Variants in NEDD4 observed in about 807,000 individuals in gnomAD.
NEDD4 encodes the protein NEDD4 E3 ubiquitin protein ligase, also known as E3 ubiquitin-protein ligase NEDD4.
NEDD4 carries 99 observed loss-of-function variants against 144.9 expected under a neutral mutation model. The observed-to-expected ratio is 0.68, with a 90% CI of 0.58 to 0.81. The LOEUF (loss-of-function observed/expected upper bound fraction) is 0.81. NEDD4 is among the 30% of genes least tolerant of loss of function. The pLI is 0.00. For synonymous variants in NEDD4, 318 were observed against 350.6 expected, an observed-to-expected ratio of 0.91 and a Z score of 1.04; for missense variants, 985 against 1,065.9, an observed-to-expected ratio of 0.92 and a Z score of 1.06.
chr15:55,959,695 A>C (rs1200095726), intron 2 of NEDD4, among the ~76,000 whole-genome samples: 1 of 152,216 alleles, frequency 6.6e-6, no homozygotes, highest in African/African-American at 2.4e-5. Context: ...TGAAGAAGCA[A>C]ACTGGCAGCT....
chr15:55,892,165 CA>C (rs1212744364), intron 5 of NEDD4, among the ~76,000 whole-genome samples: 3 of 151,888 alleles, frequency 2.0e-5, no homozygotes, highest in Non-Finnish European at 4.4e-5. Context: ...ACTCGTGAGG[CA>C]GAGGCATGAG....
intron 5 of NEDD4, chr15:55,915,430 A>C: frequency 1.2e-6 from 2 of 1,613,896 alleles, no homozygotes; most frequent in Non-Finnish European, 1.7e-6. Context: ...CTGGATAGAC[A>C]GGAAATATTT....
chr15:55,966,347 ATAT>A, intron 2 of NEDD4, 123 bp downstream of exon 2: 6 of 596,222 alleles, frequency 1.0e-5, no homozygotes, highest in South Asian at 7.2e-5. Flanking sequence ...CCAACTGGTA[ATAT>A]TATTATTATA....
chr15:55,913,631 TTTGA>T (rs2036343876), intron 5 of NEDD4, among the ~76,000 whole-genome samples: 1 of 152,034 alleles, frequency 6.6e-6, no homozygotes, highest in Admixed American at 6.5e-5. Flanking sequence ...AAGTTATACA[TTTGA>T]TTGTCACAAA....
intron 21 of NEDD4, among the ~76,000 whole-genome samples, chr15:55,839,794 G>A (rs1174222289): frequency 4.6e-5 from 7 of 151,022 alleles, no homozygotes; most frequent in African/African-American, 7.3e-5. Context: ...TGGTGAACAC[G>A]GTGAAACCCC....
chr15:55,910,787 A>G (rs2036247040), intron 5 of NEDD4, among the ~76,000 whole-genome samples: 1 of 152,102 alleles, frequency 6.6e-6, no homozygotes, highest in Admixed American at 6.5e-5. Flanking sequence ...TGAATTCTCC[A>G]TCTTAGTTCA....
At chr15:55,882,949 T>C (rs1393640935) in intron 5 of NEDD4, among the ~76,000 whole-genome samples, 1 of 152,118 alleles carries the variant, frequency 6.6e-6, no homozygotes, top group African/African-American at 2.4e-5. Context: ...AGGTTTCAGG[T>C]GAAATCCAGC....
intron 5 of NEDD4, among the ~76,000 whole-genome samples, chr15:55,898,564 C>T (rs1400516079): frequency 6.6e-6 from 1 of 151,782 alleles, no homozygotes; most frequent in African/African-American, 2.4e-5. Flanking sequence ...CTTTGTCTTC[C>T]TTGCCTAGAC....
chr15:55,901,159 G>C (rs940678292), intron 5 of NEDD4, among the ~76,000 whole-genome samples: 1 of 152,098 alleles, frequency 6.6e-6, no homozygotes, highest in Non-Finnish European at 1.5e-5. Flanking sequence ...CATCATGGAT[G>C]ATGGAGTACC....
At chr15:55,849,360 GATTACAGGCA>G in intron 14 of NEDD4, among the ~76,000 whole-genome samples, 1 of 152,106 alleles carries the variant, frequency 6.6e-6, no homozygotes, top group Admixed American at 6.5e-5. Flanking sequence ...GAGTAGCTGG[GATTACAGGCA>G]TGCACCACCA....
At chr15:55,839,673 C>T (rs2033376678) in intron 21 of NEDD4, among the ~76,000 whole-genome samples, 1 of 151,766 alleles carries the variant, frequency 6.6e-6, no homozygotes, top group Non-Finnish European at 1.5e-5. Context: ...TTTCGACTGC[C>T]ATTTAAAAAA....
chr15:55,925,814 G>A (rs1005573290), intron 4 of NEDD4, among the ~76,000 whole-genome samples: 5 of 151,958 alleles, frequency 3.3e-5, no homozygotes, highest in Non-Finnish European at 5.9e-5. Flanking sequence ...CACCTCTTGA[G>A]GAAACCACTA....
At chr15:55,911,004 G>A (rs1452303177) in intron 5 of NEDD4, among the ~76,000 whole-genome samples, 2 of 152,028 alleles carry the variant, frequency 1.3e-5, no homozygotes, top group African/African-American at 4.8e-5. Context: ...ATCGGACTCT[G>A]ACCCACTTCT....
chr15:55,859,950 A>G (rs1372089806), intron 11 of NEDD4, among the ~76,000 whole-genome samples: 2 of 152,214 alleles, frequency 1.3e-5, no homozygotes, highest in Non-Finnish European at 2.9e-5. Flanking sequence ...CTCACTACAG[A>G]TAAGATTTGA....
chr15:55,829,743 G>A lies in NEDD4; in HGVS notation c.*154C>T. ...ATTTAAAAGTGATTAAAAATAAGTT[G>A]TCGTACTATTTCTTCAAATGCTTTT... On this transcript the variant is annotated 3_prime_UTR_variant, in exon 29 of 29. Coordinates refer to ENST00000435532, the MANE Select transcript of NEDD4 (RefSeq NM_006154.4). 1 of 571,506 alleles carries A rather than the reference G, an allele frequency of 1.7e-6. No homozygotes were observed. The highest frequency in any genetic ancestry group is 3.1e-6 in the Non-Finnish European group (1 of 322,414). The allele number at this position is 571,506 out of a possible 1,614,324, so 35.4% of individuals were successfully genotyped here.
At position 55,873,948 on chromosome 15, in the gene NEDD4, C is replaced by T. The variant is rs777669892; in HGVS notation, c.342+10G>A. On this transcript the variant is annotated intron_variant, in intron 6 of 28. Transcript: ENST00000435532. ...AGCCCAAAAGGAAAATCATGGACAC[C>T]TATACCAACCGGTAATGGATAAAGT... 8 of 1,520,690 alleles carry T rather than the reference C, an allele frequency of 5.3e-6. No individual in the cohort carries two copies. Among genetic ancestry groups the T allele is most frequent in the Non-Finnish European group, 7.1e-6 (8 of 1,123,034 alleles). 94.2% of individuals were successfully genotyped at this position (1,520,690 alleles called of 1,614,324 possible).
chr15:55,974,013 C>A (rs2037658662), intron 1 of NEDD4, among the ~76,000 whole-genome samples: 1 of 151,722 alleles, frequency 6.6e-6, no homozygotes, highest in East Asian at 1.9e-4. Flanking sequence ...AAAAGATAAA[C>A]AAAATAGAAA....
intron 9 of NEDD4, among the ~76,000 whole-genome samples, chr15:55,861,178 A>G (rs2034391341): frequency 6.6e-6 from 1 of 152,334 alleles, no homozygotes; most frequent in Admixed American, 6.5e-5. Context: ...ATCTTTGTGA[A>G]TCAGATAGTA....
At chr15:55,930,668 G>A (rs1050441734) in intron 4 of NEDD4, among the ~76,000 whole-genome samples, 2 of 152,190 alleles carry the variant, frequency 1.3e-5, no homozygotes, top group Non-Finnish European at 2.9e-5. Flanking sequence ...ATCCAAATGT[G>A]TCAACGGCAG....
Sources: allele counts gnomAD v4.1 joint callset (sites outside exome capture counted in the v4.1 genomes callset), GRCh38; gene constraint gnomAD v4.1.1; transcripts MANE v1.5; gene names NCBI Gene and HGNC (gene_info 2026-07-23, HGNC 2026-07-21).